The following PRKD1 variants were observed in gnomAD, a reference collection of about 807,000 sequenced individuals.
PRKD1 encodes the protein serine/threonine-protein kinase D1.
In PRKD1, 63 loss-of-function variants were observed where a neutral mutation model predicts 95.9. The observed-to-expected ratio is 0.66, with a 90% CI of 0.54 to 0.81. The LOEUF (loss-of-function observed/expected upper bound fraction) is 0.81. PRKD1 is among the 30% of genes least tolerant of loss of function. The pLI is 0.00. For missense variants in PRKD1, 1,048 were observed against 1,165.3 expected (o/e 0.90, Z 1.47); for synonymous variants, 425 against 423.1 (o/e 1.00, Z -0.05).
chr14:29,904,133 C>T (rs1894415281), intron 1 of PRKD1, among the ~76,000 whole-genome samples: 1 of 152,024 alleles, frequency 6.6e-6, no homozygotes, highest in African/African-American at 2.4e-5. Flanking sequence ...AGGCTGAAAT[C>T]CCTGTAATTC....
chr14:29,715,826 A>G (rs1166479076), intron 2 of PRKD1, among the ~76,000 whole-genome samples: 1 of 152,188 alleles, frequency 6.6e-6, no homozygotes, highest in Non-Finnish European at 1.5e-5. Context: ...TTTGACATGG[A>G]TTGTGATATT....
Position 29,700,979 on chromosome 14 carries a change from C to CGT in PRKD1, c.403+24556_403+24557insAC, listed in dbSNP as rs1884805827. On this transcript the variant is annotated intron_variant, in intron 2 of 17. Transcript: ENST00000331968. ...ATTTGTGTGTACGCGTGCGCATGCG[C>CGT]GCGCGCGCGCACACACACACACACA... is the stretch of plus-strand genomic sequence containing the variant. Among the ~76,000 whole-genome samples the CGT allele has an allele frequency of 6.0e-5, 3 of 50,212 alleles. 1 individual carries two copies. The South Asian group carries it at 3.0e-3, about 50-fold the overall frequency. 32.9% of individuals were successfully genotyped at this position (50,212 alleles called of 152,430 possible).
At chr14:29,794,720 T>C (rs568899978) in intron 1 of PRKD1, among the ~76,000 whole-genome samples, 1 of 152,124 alleles carries the variant, frequency 6.6e-6, no homozygotes, top group African/African-American at 2.4e-5. Context: ...GCTCCCTATG[T>C]ATATGTATCA....
chr14:29,799,348 T>TA (rs1346004484), intron 1 of PRKD1, among the ~76,000 whole-genome samples: 5 of 152,214 alleles, frequency 3.3e-5, no homozygotes, highest in Admixed American at 6.5e-5. Context: ...GATAACAAAT[T>TA]ACTTTGCTTG....
rs780583938 is a variant in PRKD1 at position 29,808,133 on chromosome 14, G to T, written c.265-82459C>A. On this transcript the variant is annotated intron_variant, in intron 1 of 17. Coordinates refer to ENST00000331968, the MANE Select transcript of PRKD1 (RefSeq NM_002742.3). ...TTGATGGCATTTTACCCACAGTAGA[G>T]TGTCTTTCAAAATTGGAGTCAATCC... 3.9e-5 allele frequency among the ~76,000 whole-genome samples: 6 copies of T among 152,086 alleles called. 1 individual carries two copies. In the East Asian group the frequency reaches 5.8e-4, roughly 15 times the overall value.
intron 2 of PRKD1, among the ~76,000 whole-genome samples, chr14:29,681,607 T>C (rs1234741431): frequency 6.6e-6 from 1 of 152,128 alleles, no homozygotes; most frequent in Non-Finnish European, 1.5e-5. Flanking sequence ...TAAAATGGCC[T>C]ATGAGCAGCA....
At chr14:29,859,613 A>T (rs1171063208) in intron 1 of PRKD1, among the ~76,000 whole-genome samples, 1 of 152,120 alleles carries the variant, frequency 6.6e-6, no homozygotes, top group African/African-American at 2.4e-5. Context: ...GTCTCAAAAA[A>T]AAAAAAAAAA....
intron 2 of PRKD1, among the ~76,000 whole-genome samples, chr14:29,699,903 A>C (rs1278820760): frequency 6.6e-6 from 1 of 152,124 alleles, no homozygotes; most frequent in African/African-American, 2.4e-5. Context: ...TGTGTAGTAC[A>C]TTTTGATATC....
chr14:29,809,190 A>C (rs1287168774), intron 1 of PRKD1, among the ~76,000 whole-genome samples: 1 of 152,256 alleles, frequency 6.6e-6, no homozygotes, highest in African/African-American at 2.4e-5. Context: ...TTCAGAAACC[A>C]TGCTGCAAAC....
intron 4 of PRKD1, among the ~76,000 whole-genome samples, chr14:29,662,850 T>C (rs1188085436): frequency 6.6e-6 from 1 of 151,770 alleles, no homozygotes; most frequent in African/African-American, 2.4e-5. Flanking sequence ...AAAGCATCAT[T>C]GTAATATCCA....
intron 1 of PRKD1, among the ~76,000 whole-genome samples, chr14:29,810,098 G>C (rs1422358380): frequency 6.6e-6 from 1 of 152,132 alleles, no homozygotes; most frequent in Non-Finnish European, 1.5e-5. Flanking sequence ...TAAGTTCGCT[G>C]TCTTATATGG....
At chr14:29,706,825 C>A (rs529283152) in intron 2 of PRKD1, among the ~76,000 whole-genome samples, 2 of 151,948 alleles carry the variant, frequency 1.3e-5, no homozygotes, top group Non-Finnish European at 2.9e-5. Context: ...GAAGGGAACA[C>A]CTGGTAGAAA....
intron 2 of PRKD1, among the ~76,000 whole-genome samples, chr14:29,685,705 A>AT (rs1184937493): frequency 6.6e-6 from 1 of 150,644 alleles, no homozygotes; most frequent in African/African-American, 2.5e-5. Flanking sequence ...AACTCAAAGA[A>AT]TGAGCAAAAG....
At chr14:29,906,759 CT>C (rs1416100361) in intron 1 of PRKD1, among the ~76,000 whole-genome samples, 1 of 152,194 alleles carries the variant, frequency 6.6e-6, no homozygotes, top group East Asian at 1.9e-4. Flanking sequence ...ATCTGAGTTT[CT>C]CAAATTCACT....
At chr14:29,774,296 C>T (rs1336768386) in intron 1 of PRKD1, among the ~76,000 whole-genome samples, 1 of 152,096 alleles carries the variant, frequency 6.6e-6, no homozygotes, top group African/African-American at 2.4e-5. Flanking sequence ...AATTTTATGG[C>T]TTTTTTCTTA....
chr14:29,755,371 C>T (rs1340113922), intron 1 of PRKD1, among the ~76,000 whole-genome samples: 1 of 152,042 alleles, frequency 6.6e-6, no homozygotes, highest in Non-Finnish European at 1.5e-5. Context: ...GTTTCTTGTA[C>T]CTCACATTTT....
At chr14:29,672,154 A>G (rs1882885629) in intron 2 of PRKD1, among the ~76,000 whole-genome samples, 1 of 151,804 alleles carries the variant, frequency 6.6e-6, no homozygotes, top group Admixed American at 6.6e-5. Flanking sequence ...CATCCTGGCT[A>G]ACACAGTGAA....
chr14:29,596,719 G>A (rs963799438), intron 16 of PRKD1, among the ~76,000 whole-genome samples: 2 of 152,094 alleles, frequency 1.3e-5, no homozygotes, highest in Admixed American at 1.3e-4. Context: ...AGCCATCATA[G>A]TAACACCTAT....
chr14:29,785,986 T>C (rs986927783), intron 1 of PRKD1, among the ~76,000 whole-genome samples: 2 of 152,084 alleles, frequency 1.3e-5, no homozygotes, highest in Admixed American at 6.6e-5. Flanking sequence ...GTGTTTGTCA[T>C]ATTTGTTCTT....
Sources: allele counts gnomAD v4.1 joint callset (sites outside exome capture counted in the v4.1 genomes callset), GRCh38; gene constraint gnomAD v4.1.1; transcripts MANE v1.5; gene names NCBI Gene and HGNC (gene_info 2026-07-23, HGNC 2026-07-21).